Variants in RUNX2 observed in about 807,000 individuals in gnomAD.
The protein encoded by RUNX2 is runt-related transcription factor 2.
A neutral mutation model predicts 51.7 loss-of-function variants in RUNX2; 10 were observed. The ratio of observed to expected loss-of-function variants is 0.19; its 90% confidence interval spans 0.12 to 0.33. The LOEUF is 0.33. Among genes scored for constraint, RUNX2 ranks in the 10% least tolerant of loss-of-function variants. The probability of loss-of-function intolerance (pLI) is 1.00; values close to 1 mark genes in which losing one functional copy is unlikely to be tolerated. For synonymous variants in RUNX2, 276 were observed against 273.6 expected, an observed-to-expected ratio of 1.01 and a Z score of -0.09; for missense variants, 562 against 691.3, an observed-to-expected ratio of 0.81 and a Z score of 2.10.
At chr6:45,543,228 C>T (rs1482678856) in intron 7 of RUNX2, among the ~76,000 whole-genome samples, 4 of 152,124 alleles carry the variant, frequency 2.6e-5, no homozygotes, top group African/African-American at 9.7e-5. Context: ...TCCTGGCAGT[C>T]CCCCAGGAAG....
At chr6:45,335,747 T>C (rs1788417155) in intron 2 of RUNX2, among the ~76,000 whole-genome samples, 1 of 151,234 alleles carries the variant, frequency 6.6e-6, no homozygotes, top group Non-Finnish European at 1.5e-5. Context: ...AAGTAATCTA[T>C]GAGAAAACTC....
chr6:45,403,986 G>A lies in RUNX2; in HGVS notation c.59-18607G>A, dbSNP rs550658298. Among the ~76,000 whole-genome samples the A allele has an allele frequency of 4.6e-5, 7 of 152,188 alleles. No homozygotes were observed. The South Asian group carries it at 8.3e-4, about 18-fold the overall frequency. On this transcript the variant is annotated intron_variant, in intron 2 of 8. Transcript: ENST00000647337. Reference sequence around the variant, plus strand: ...AAAAAGATGAGGGAGTAGGCCGGGCGCAGTGGCTCATGCCTGTAATCCCAT... The same window carrying A: ...AAAAAGATGAGGGAGTAGGCCGGGCACAGTGGCTCATGCCTGTAATCCCAT...
chr6:45,457,517 TA>T (rs1191777580), intron 5 of RUNX2, among the ~76,000 whole-genome samples: 1 of 151,622 alleles, frequency 6.6e-6, no homozygotes, highest in Non-Finnish European at 1.5e-5. Context: ...TTGAAGACTC[TA>T]AAAATCCTGA....
intron 2 of RUNX2, chr6:45,422,236 T>A (rs1479073580): frequency 3.8e-6 from 1 of 261,392 alleles, no homozygotes; most frequent in African/African-American, 2.3e-5. Context: ...AGGGACCCCA[T>A]TCCAAGCTGC....
At chr6:45,486,605 C>CT (rs1800289003) in intron 5 of RUNX2, among the ~76,000 whole-genome samples, 1 of 152,120 alleles carries the variant, frequency 6.6e-6, no homozygotes, top group Non-Finnish European at 1.5e-5. Flanking sequence ...AATGATTCTG[C>CT]TGTGCCATAT....
intron 5 of RUNX2, among the ~76,000 whole-genome samples, chr6:45,464,199 A>T (rs925995815): frequency 2.0e-5 from 3 of 152,114 alleles, no homozygotes; most frequent in African/African-American, 7.2e-5. Flanking sequence ...TCTAAAAAAA[A>T]AAAAAAATGT....
chr6:45,362,510 G>A (rs1444490026), intron 2 of RUNX2, among the ~76,000 whole-genome samples: 3 of 152,092 alleles, frequency 2.0e-5, no homozygotes, highest in South Asian at 2.1e-4. Flanking sequence ...TGTATATTGA[G>A]TCTAATTTTA....
chr6:45,350,666 T>C (rs1179557397), intron 2 of RUNX2, among the ~76,000 whole-genome samples: 1 of 152,164 alleles, frequency 6.6e-6, no homozygotes, highest in African/African-American at 2.4e-5. Context: ...TGCTAAGATG[T>C]GGTCATAATC....
chr6:45,378,064 A>C (rs1797074576), intron 2 of RUNX2: 1 of 152,010 alleles, frequency 6.6e-6, no homozygotes, highest in Non-Finnish European at 1.5e-5. Flanking sequence ...GCGCTTGGCC[A>C]GGTGGCGCGC....
chr6:45,359,159 TA>T (rs960413638), intron 2 of RUNX2, among the ~76,000 whole-genome samples: 7 of 152,148 alleles, frequency 4.6e-5, no homozygotes, highest in Admixed American at 2.6e-4. Context: ...AATATTTAAA[TA>T]AAAAAATCAA....
At chr6:45,358,047 T>G (rs1294226139) in intron 2 of RUNX2, among the ~76,000 whole-genome samples, 2 of 151,392 alleles carry the variant, frequency 1.3e-5, no homozygotes, top group Non-Finnish European at 2.9e-5. Flanking sequence ...ATTAACATCT[T>G]CAAAGCTATA....
intron 5 of RUNX2, among the ~76,000 whole-genome samples, chr6:45,459,667 C>T (rs948390548): frequency 4.6e-5 from 7 of 152,286 alleles, no homozygotes; most frequent in South Asian, 2.1e-4. Context: ...AATTGTTTCC[C>T]TCTTGGAACT....
At chr6:45,361,975 C>T (rs1005291030) in intron 2 of RUNX2, among the ~76,000 whole-genome samples, 2 of 152,048 alleles carry the variant, frequency 1.3e-5, no homozygotes, top group African/African-American at 4.8e-5. Flanking sequence ...CACTTGAGGC[C>T]GGGAGGCAGA....
At chr6:45,490,217 C>T (rs1199079454) in intron 5 of RUNX2, among the ~76,000 whole-genome samples, 1 of 152,180 alleles carries the variant, frequency 6.6e-6, no homozygotes, top group Non-Finnish European at 1.5e-5. Context: ...TAAAAGTCCT[C>T]TAGGGATCTA....
At chr6:45,373,361 G>C (rs1796349229) in intron 2 of RUNX2, among the ~76,000 whole-genome samples, 1 of 152,158 alleles carries the variant, frequency 6.6e-6, no homozygotes, top group Admixed American at 6.5e-5. Context: ...TAGAAAGTAA[G>C]AGCCTCATTA....
At chr6:45,478,724 A>G (rs1228542604) in intron 5 of RUNX2, among the ~76,000 whole-genome samples, 1 of 152,106 alleles carries the variant, frequency 6.6e-6, no homozygotes, top group Non-Finnish European at 1.5e-5. Context: ...TTAGGATTGC[A>G]AATTAGGTCA....
chr6:45,447,801 C>T (rs1799045451), intron 5 of RUNX2, among the ~76,000 whole-genome samples: 1 of 152,122 alleles, frequency 6.6e-6, no homozygotes, highest in East Asian at 1.9e-4. Context: ...GATGTAGATC[C>T]TTCAGTAATT....
At chr6:45,528,349 G>T (rs531873923) in intron 7 of RUNX2, among the ~76,000 whole-genome samples, 16 of 152,220 alleles carry the variant, frequency 1.1e-4, no homozygotes, top group African/African-American at 3.4e-4. Context: ...GGTCAGGCGC[G>T]GTGGCTCAAG....
At chr6:45,396,682 A>C (rs1797588375) in intron 2 of RUNX2, among the ~76,000 whole-genome samples, 1 of 152,224 alleles carries the variant, frequency 6.6e-6, no homozygotes, top group Non-Finnish European at 1.5e-5. Context: ...CTGGGATTAC[A>C]GGTGTAAACC....
Sources: gnomAD v4.1 joint callset for allele counts (sites outside exome capture counted in the v4.1 genomes callset) on GRCh38, gnomAD v4.1.1 for gene constraint, MANE v1.5 for transcripts, NCBI Gene and HGNC (gene_info 2026-07-23, HGNC 2026-07-21) for gene names.